The following SCGN variants were observed in gnomAD, a reference collection of about 807,000 sequenced individuals.
SCGN encodes the protein secretagogin, EF-hand calcium binding protein, also known as secretagogin.
Under a neutral mutation model 39.7 loss-of-function variants are expected in SCGN, and 30 were observed. The observed-to-expected ratio is 0.76, with a 90% CI of 0.57 to 1.03. SCGN has a LOEUF of 1.03. SCGN is among the 50% of genes least tolerant of loss of function. The probability of loss-of-function intolerance (pLI) is 0.00; values close to 1 mark genes in which losing one functional copy is unlikely to be tolerated. For synonymous variants in SCGN, 106 were observed against 114.1 expected (o/e 0.93, Z 0.45); for missense variants, 353 against 349.4 (o/e 1.01, Z -0.08).
At chr6:25,673,040 G>A (rs1379642321) in intron 6 of SCGN, among the ~76,000 whole-genome samples, 6 of 152,204 alleles carry the variant, frequency 3.9e-5, no homozygotes, top group South Asian at 2.1e-4. Context: ...GACCTGACAA[G>A]TAGTAGCCTA....
chr6:25,669,770 A>G (rs1336979223), intron 5 of SCGN, among the ~76,000 whole-genome samples: 2 of 152,198 alleles, frequency 1.3e-5, no homozygotes, highest in Non-Finnish European at 1.5e-5. Context: ...CTGGAAAAGA[A>G]GCATAATTGA....
intron 10 of SCGN, among the ~76,000 whole-genome samples, chr6:25,695,170 T>A (rs1234522334): frequency 1.3e-5 from 2 of 152,240 alleles, no homozygotes; most frequent in Non-Finnish European, 2.9e-5. Context: ...AAGTCTTTCC[T>A]CTGTCAATCT....
rs6930176 is a variant in SCGN, at chr6:25,689,228, A to T, written c.573+11A>T. The T allele has an allele frequency of 8.0e-3, 12,574 of 1,571,124 alleles. 383 individuals carry two copies. In the African/African-American group the frequency reaches 0.097, roughly 12 times the overall value. ...CAATTTAAAATGGATGTAAGTAGTG[A>T]CATTTCTCTAGATGGGTTTATGTCA... On this transcript the variant is annotated intron_variant, in intron 8 of 10. Transcript: ENST00000377961.
intron 6 of SCGN, among the ~76,000 whole-genome samples, chr6:25,681,312 A>G (rs1759634547): frequency 6.6e-6 from 1 of 152,220 alleles, no homozygotes; most frequent in Admixed American, 6.5e-5. Context: ...CTATGATATG[A>G]GCCCTCCAAG....
chr6:25,654,806 C>A (rs1760198593), intron 2 of SCGN, among the ~76,000 whole-genome samples: 1 of 151,988 alleles, frequency 6.6e-6, no homozygotes, highest in South Asian at 2.1e-4. Context: ...TGTCTGCCTG[C>A]ACTCCACCCC....
intron 10 of SCGN, among the ~76,000 whole-genome samples, chr6:25,696,673 T>A (rs1759841683): frequency 6.6e-6 from 1 of 152,208 alleles, no homozygotes; most frequent in Non-Finnish European, 1.5e-5. Context: ...AGCAAACATC[T>A]GAAGAAAGAG....
chr6:25,665,062 AAG>A, intron 4 of SCGN, 30 bp downstream of exon 4: 1 of 1,537,416 alleles, frequency 6.5e-7, no homozygotes, highest in East Asian at 2.2e-5. Context: ...TCTGTGAAGA[AAG>A]AGGACTGAGA....
At chr6:25,676,804 G>A (rs900198190) in intron 6 of SCGN, among the ~76,000 whole-genome samples, 4 of 152,026 alleles carry the variant, frequency 2.6e-5, no homozygotes, top group African/African-American at 9.7e-5. Context: ...TTCCAAATCA[G>A]CTCCATGAGA....
At position 25,662,448 on chromosome 6, in the gene SCGN, A is replaced by G. The variant is rs555127498; in HGVS notation, c.246+804A>G. ...TCATACTATGTAGCTATAAATCTGT[A>G]TGTGAAAATGAGTCAATCTGAAACT... On this transcript the variant is annotated intron_variant, in intron 3 of 10. Transcript: ENST00000377961. Among the ~76,000 whole-genome samples, 6 of 152,330 alleles carry G rather than the reference A, an allele frequency of 3.9e-5. No homozygotes were observed. In the East Asian group the frequency reaches 1.2e-3, roughly 29 times the overall value.
intron 2 of SCGN, among the ~76,000 whole-genome samples, chr6:25,660,370 G>A (rs1428976427): frequency 6.6e-6 from 1 of 152,210 alleles, no homozygotes; most frequent in Non-Finnish European, 1.5e-5. Flanking sequence ...CTGTGATGGA[G>A]GGCAAAGACC....
At chr6:25,681,825 G>A in intron 6 of SCGN, 126 bp from the exon 7 acceptor site, 2 of 721,546 alleles carry the variant, frequency 2.8e-6, no homozygotes, top group East Asian at 5.4e-5. Flanking sequence ...TTTTCCCCCA[G>A]GCAAGTGGGC....
In SCGN at chr6:25,653,391, A is replaced by T. The variant is rs1402305835; in HGVS notation, c.92A>T (p.Tyr31Phe). Residue 31 changes from tyrosine (Y) to phenylalanine (F), a missense_variant, in exon 2 of 11, where the codon TAC (tyrosine) becomes TTC (phenylalanine). Coordinates refer to ENST00000377961, the MANE Select transcript of SCGN (RefSeq NM_006998.4). ...ATTTTCTCACATTTAGAAAAAGGTT[A>T]CATAGAAGAGAAGGAACTCGATGCT... is the stretch of plus-strand genomic sequence containing the variant. Reference protein sequence around the residue: ...WQRFDADEKGYIEEKELDAFF... With the variant: ...WQRFDADEKGFIEEKELDAFF... The T allele has an allele frequency of 1.2e-6, 2 of 1,608,706 alleles. No homozygotes were observed. Among genetic ancestry groups the T allele is most frequent in the Non-Finnish European group, 1.7e-6 (2 of 1,175,582 alleles).
At chr6:25,660,239 G>A (rs1056189088) in intron 2 of SCGN, among the ~76,000 whole-genome samples, 4 of 152,254 alleles carry the variant, frequency 2.6e-5, no homozygotes, top group East Asian at 3.9e-4. Context: ...TTAGCAACTG[G>A]ATGTGGCAGC....
intron 3 of SCGN, among the ~76,000 whole-genome samples, chr6:25,663,135 A>C (rs1224201572): frequency 1.3e-5 from 2 of 152,172 alleles, no homozygotes; most frequent in Non-Finnish European, 2.9e-5. Context: ...CTTAAAACGC[A>C]ATGAGTCTGT....
At chr6:25,654,154 TAGA>T (rs1284100794) in intron 2 of SCGN, among the ~76,000 whole-genome samples, 2 of 152,210 alleles carry the variant, frequency 1.3e-5, no homozygotes, top group East Asian at 3.8e-4. Context: ...GCATTCATAG[TAGA>T]AGGAGACGCT....
rs776711416 is a variant in SCGN, at chr6:25,652,458, C to T, written c.55C>T (p.Gln19Ter). Residue 19 changes from glutamine to a stop codon, truncating the protein, a stop_gained, in exon 1 of 11, where the codon CAG becomes TAG. Coordinates refer to ENST00000377961, the MANE Select transcript of SCGN (RefSeq NM_006998.4). LOFTEE classifies it high-confidence loss of function. Reference sequence around the variant, plus strand: ...GCGCTTGGACGCCGCTGGCTTCTGGCAGGTCTGGCAGCGCTTTGATGCGGA... The same window carrying T: ...GCGCTTGGACGCCGCTGGCTTCTGGTAGGTCTGGCAGCGCTTTGATGCGGA... ...LGRLDAAGFW[Q>*]VWQRFDADEK... The T allele has an allele frequency of 6.2e-7, 1 of 1,613,932 alleles. No homozygotes were observed. The highest frequency in any genetic ancestry group is 1.1e-5 in the South Asian group (1 of 91,090).
At chr6:25,692,499 C>T (rs978829800) in intron 10 of SCGN, among the ~76,000 whole-genome samples, 16 of 152,202 alleles carry the variant, frequency 1.1e-4, no homozygotes, top group Admixed American at 3.3e-4. Context: ...TTCCATGTCC[C>T]ACACATACAG....
intron 2 of SCGN, among the ~76,000 whole-genome samples, chr6:25,659,111 C>T (rs947794879): frequency 6.6e-6 from 1 of 152,194 alleles, no homozygotes; most frequent in African/African-American, 2.4e-5. Flanking sequence ...TGAGGTCTAG[C>T]ATAATGCCCA....
intron 10 of SCGN, among the ~76,000 whole-genome samples, chr6:25,696,087 A>T (rs902353118): frequency 6.6e-6 from 1 of 152,168 alleles, no homozygotes; most frequent in Non-Finnish European, 1.5e-5. Context: ...TATTGTCAGG[A>T]AGATGATTGG....
Sources: gnomAD v4.1 joint callset for allele counts (sites outside exome capture counted in the v4.1 genomes callset) on GRCh38, gnomAD v4.1.1 for gene constraint, MANE v1.5 for transcripts, NCBI Gene and HGNC (gene_info 2026-07-23, HGNC 2026-07-21) for gene names.